USP34: variants seen among roughly 807,000 people sequenced by gnomAD.
USP34 encodes the protein ubiquitin specific peptidase 34, also known as ubiquitin carboxyl-terminal hydrolase 34.
In USP34, 70 loss-of-function variants were observed where a neutral mutation model predicts 460.3. The observed-to-expected ratio is 0.15, with a 90% CI of 0.13 to 0.19. USP34 has a LOEUF of 0.19. Ranked by LOEUF, USP34 falls within the 10% of genes least tolerant of loss-of-function variation. The probability of loss-of-function intolerance (pLI) is 1.00; values close to 1 mark genes in which losing one functional copy is unlikely to be tolerated. For missense variants in USP34, 3,985 were observed against 4,236.2 expected (o/e 0.94, Z 1.65); for synonymous variants, 1,647 against 1,405.3 (o/e 1.17, Z -3.85).
Position 61,228,629 on chromosome 2 carries a change from A to AT in USP34, c.7443+15dup. 1 of 1,604,538 alleles carries AT rather than the reference A, an allele frequency of 6.2e-7. No individual in the cohort carries two copies. Among genetic ancestry groups the AT allele is most frequent in the African/African-American group, 1.3e-5 (1 of 74,690 alleles). ...CAGAGCCTCTAATACCTAATGTACG[A>AT]TAGAACTGTACTTACATTTTCAGGT... On this transcript the variant is annotated intron_variant, in intron 61 of 79. Transcript: ENST00000398571.
At chr2:61,381,941 A>C (rs1324992902) in intron 6 of USP34, among the ~76,000 whole-genome samples, 1 of 152,178 alleles carries the variant, frequency 6.6e-6, no homozygotes, top group Non-Finnish European at 1.5e-5. Context: ...TACAAATAAA[A>C]AAAATTGAGG....
At chr2:61,458,560 A>AG (rs979540374) in intron 1 of USP34, among the ~76,000 whole-genome samples, 4 of 101,892 alleles carry the variant, frequency 3.9e-5, no homozygotes, top group Non-Finnish European at 6.1e-5. Context: ...AAACTGTCTC[A>AG]GAAAAAAAAA....
intron 15 of USP34, chr2:61,346,204 G>C (rs1691762367): frequency 6.6e-6 from 1 of 151,970 alleles, no homozygotes; most frequent in African/African-American, 2.4e-5. Flanking sequence ...AGCCATATGT[G>C]ACCATTACAC....
intron 43 of USP34, among the ~76,000 whole-genome samples, chr2:61,262,968 C>T (rs929566210): frequency 2.0e-5 from 3 of 151,650 alleles, no homozygotes; most frequent in South Asian, 4.2e-4. Flanking sequence ...GCTTATTGGC[C>T]GCATGTATGT....
intron 13 of USP34, 61 bp downstream of exon 13, chr2:61,349,187 ACT>A: frequency 6.5e-7 from 1 of 1,532,066 alleles, no homozygotes; most frequent in East Asian, 2.3e-5. Flanking sequence ...AAATCAATGA[ACT>A]CTAGAAAACC....
At chr2:61,346,763 C>A (rs970053821) in intron 15 of USP34, among the ~76,000 whole-genome samples, 2 of 131,372 alleles carry the variant, frequency 1.5e-5, no homozygotes, top group African/African-American at 5.9e-5. Context: ...ACCTGGGAGA[C>A]GGAGGTTGCA....
rs762698136 is a variant in USP34, at chr2:61,278,435, G to T, written c.5265C>A (p.Leu1755=). The T allele has an allele frequency of 6.3e-7, 1 of 1,581,596 alleles. No homozygotes were observed. Among genetic ancestry groups the T allele is most frequent in the Admixed American group, 1.9e-5 (1 of 51,540 alleles). Residue 1755 remains leucine, a synonymous_variant, in exon 40 of 80, where the codon CTC becomes CTA. Transcript: ENST00000398571. The part of the protein sequence containing the change: ...IHIKDASQTT[L]LDLDALARHL... ...GTCTTGCCAAGGCATCTAAGTCGAG[G>T]AGCGTTGTCTTAATACAAAAAGAAA...
chr2:61,417,235 A>C (rs947332548), intron 2 of USP34: 13 of 1,402,018 alleles, frequency 9.3e-6, no homozygotes, highest in Non-Finnish European at 1.3e-5. Context: ...ACGAACATAC[A>C]TCTGAAAGGC....
intron 16 of USP34, among the ~76,000 whole-genome samples, chr2:61,341,883 G>C (rs866796359): frequency 1.4e-4 from 21 of 148,888 alleles, no homozygotes; most frequent in Non-Finnish European, 1.9e-4. Context: ...CTGCCTCAGC[G>C]TCCCGAGTAG....
Position 61,228,964 on chromosome 2 carries a change from T to C in USP34, c.7231A>G (p.Ile2411Val), listed in dbSNP as rs1414028824. Residue 2411 changes from isoleucine to valine, a missense_variant, in exon 60 of 80, where the codon ATT becomes GTT. Ile to Val is a conservative substitution (Grantham distance 29). This residue lies in a region of USP34 where 604 missense variants were observed against 684.8 expected (regional missense o/e 0.88). Transcript: ENST00000398571. ...SDDMDTSVED[I>V]GGRSCVTRFV... Reference sequence around the variant, plus strand: ...CGAGTGACACATGAACGACCACCAATATCTTCTACTGAGGTATCCATATCA... The same window carrying C: ...CGAGTGACACATGAACGACCACCAACATCTTCTACTGAGGTATCCATATCA... 1.2e-6 allele frequency: 2 copies of C among 1,603,862 alleles called. No individual in the cohort carries two copies. The highest frequency in any genetic ancestry group is 1.7e-6 in the Non-Finnish European group (2 of 1,175,402).
chr2:61,190,210 CCA>C (rs1433366405), intron 78 of USP34, 59 bp downstream of exon 78: 3 of 1,524,172 alleles, frequency 2.0e-6, no homozygotes, highest in Admixed American at 4.5e-5. Context: ...CATATGAAGG[CCA>C]CACAGTTAAC....
At chr2:61,340,689 T>C (rs1691568205) in intron 16 of USP34, among the ~76,000 whole-genome samples, 1 of 152,198 alleles carries the variant, frequency 6.6e-6, no homozygotes, top group African/African-American at 2.4e-5. Flanking sequence ...GATGAGAATC[T>C]TTTCGTATGC....
intron 1 of USP34, among the ~76,000 whole-genome samples, chr2:61,455,071 A>G (rs1024071977): frequency 1.3e-5 from 2 of 150,592 alleles, no homozygotes; most frequent in East Asian, 2.0e-4. Context: ...TAGTAGGGAC[A>G]GGGTTTCACC....
chr2:61,468,999 G>C (rs1695866588), intron 1 of USP34, among the ~76,000 whole-genome samples: 1 of 152,156 alleles, frequency 6.6e-6, no homozygotes, highest in Non-Finnish European at 1.5e-5. Context: ...ACAAGGTCAG[G>C]AGCTCAAGAC....
intron 61 of USP34, among the ~76,000 whole-genome samples, chr2:61,228,423 C>T (rs898863439): frequency 6.6e-6 from 1 of 152,164 alleles, no homozygotes; most frequent in Non-Finnish European, 1.5e-5. Flanking sequence ...TTGCTTTGTT[C>T]CAGACCTTAC....
Position 61,293,508 on chromosome 2 carries a change from T to C in USP34, c.4504A>G (p.Asn1502Asp). 6.2e-7 allele frequency: 1 copy of C among 1,612,944 alleles called. No homozygotes were observed. The highest frequency in any genetic ancestry group is 8.5e-7 in the Non-Finnish European group (1 of 1,179,362). The change falls in exon 33 of 80, where the codon AAT becomes GAT. Residue 1502 changes from asparagine to aspartate, a missense_variant. Asn to Asp is a conservative substitution (Grantham distance 23). Coordinates refer to ENST00000398571, the MANE Select transcript of USP34 (RefSeq NM_014709.4). ...GGLQQLLEIF[N>D]SGILEPKEQE... is the part of the protein sequence containing the mutation. ...TCTTTAGGCTCTAGAATTCCAGAAT[T>C]AAAAATTTCTAATAACTGTTGAAGC...
chr2:61,359,650 T>C (rs1341004498), intron 10 of USP34, among the ~76,000 whole-genome samples: 1 of 151,662 alleles, frequency 6.6e-6, no homozygotes, highest in Admixed American at 6.6e-5. Flanking sequence ...AAATAAACCA[T>C]AGATCACACA....
chr2:61,284,023 G>T (rs1689614976), intron 35 of USP34, among the ~76,000 whole-genome samples: 1 of 152,032 alleles, frequency 6.6e-6, no homozygotes, highest in African/African-American at 2.4e-5. Context: ...ACAGCAGGGT[G>T]TCTAGTCAAT....
intron 34 of USP34, among the ~76,000 whole-genome samples, chr2:61,288,304 C>A (rs1306016734): frequency 1.3e-5 from 2 of 152,146 alleles, no homozygotes; most frequent in Admixed American, 1.3e-4. Flanking sequence ...CTTACCTCAC[C>A]ACTCCCTTTT....
Sources: gnomAD v4.1 joint callset for allele counts (sites outside exome capture counted in the v4.1 genomes callset) on GRCh38, gnomAD v4.1.1 for gene constraint, gnomAD v4.1.1 regional missense constraint, MANE v1.5 for transcripts, NCBI Gene and HGNC (gene_info 2026-07-23, HGNC 2026-07-21) for gene names.